Variants in RCSD1 observed in about 807,000 individuals in gnomAD.
RCSD1 encodes capZ-interacting protein.
Under a neutral mutation model 42.5 loss-of-function variants are expected in RCSD1, and 26 were observed. The observed-to-expected ratio is 0.61, with a 90% CI of 0.45 to 0.85. The LOEUF is 0.85. Ranked by LOEUF, RCSD1 falls within the 40% of genes least tolerant of loss-of-function variation. RCSD1 has a pLI of 0.00. For synonymous variants in RCSD1, 220 were observed against 212.2 expected (o/e 1.04, Z -0.32); for missense variants, 571 against 528.3 (o/e 1.08, Z -0.79).
intron 1 of RCSD1, among the ~76,000 whole-genome samples, chr1:167,676,823 T>C (rs1340295028): frequency 5.3e-5 from 8 of 152,220 alleles, no homozygotes. Context: ...CCAGGACTGT[T>C]TCCCACAGTG....
At chr1:167,638,486 G>A (rs914415502) in intron 1 of RCSD1, 3 of 152,242 alleles carry the variant, frequency 2.0e-5, no homozygotes, top group Admixed American at 1.3e-4. Context: ...CTATCCGGTG[G>A]GATCCTGTCC....
At chr1:167,676,775 G>A (rs763866870) in intron 1 of RCSD1, among the ~76,000 whole-genome samples, 1 of 152,198 alleles carries the variant, frequency 6.6e-6, no homozygotes, top group Non-Finnish European at 1.5e-5. Flanking sequence ...AGGCACCAGA[G>A]GCTGTGAACT....
Position 167,690,055 on chromosome 1 carries a change from C to G in RCSD1, c.205C>G (p.Pro69Ala). The G allele has an allele frequency of 6.2e-7, 1 of 1,614,100 alleles. No homozygotes were observed. The highest frequency in any genetic ancestry group is 8.5e-7 in the Non-Finnish European group (1 of 1,180,000). The change falls in exon 4 of 7, where the codon CCA (proline) becomes GCA (alanine). Residue 69 changes from proline (P) to alanine (A), a missense_variant. Coordinates refer to ENST00000367854, the MANE Select transcript of RCSD1 (RefSeq NM_052862.4). ...TGGTTGATTTGCTCCATAGAAATCA[C>G]CACCCAATGCGAGCCACCCTCCTAA... ...DLGQNGEEKS[P>A]PNASHPPKFK... is the part of the protein sequence containing the mutation.
intron 1 of RCSD1, among the ~76,000 whole-genome samples, chr1:167,632,613 G>A (rs906667379): frequency 9.2e-5 from 13 of 140,708 alleles, no homozygotes; most frequent in South Asian, 2.3e-4. Context: ...AATCACTCCC[G>A]TGCTAGGGTT....
intron 6 of RCSD1, among the ~76,000 whole-genome samples, chr1:167,700,957 A>G (rs1232642619): frequency 6.6e-6 from 1 of 152,196 alleles, no homozygotes; most frequent in Non-Finnish European, 1.5e-5. Flanking sequence ...CTAGTAGGGA[A>G]GAGGGCTGCT....
chr1:167,654,146 A>G (rs1239009293), intron 1 of RCSD1, among the ~76,000 whole-genome samples: 2 of 152,238 alleles, frequency 1.3e-5, no homozygotes, highest in African/African-American at 4.8e-5. Context: ...TAAATGTTTA[A>G]TAAGTGTTGG....
Position 167,706,111 on chromosome 1 carries a change from T to G in RCSD1, c.*1415T>G, listed in dbSNP as rs999585209. 1.3e-5 allele frequency: 2 copies of G among 152,260 alleles called. No homozygotes were observed. The highest frequency in any genetic ancestry group is 2.4e-5 in the African/African-American group (1 of 41,476). The allele number at this position is 152,260 out of a possible 1,614,324, so 9.4% of individuals were successfully genotyped here. ...TACAGTTTTTCTAACTCCAGGGTAG[T>G]GTTTAGTGTTAATATTTGGGATATA... On this transcript the variant is annotated 3_prime_UTR_variant, in exon 7 of 7. Coordinates refer to ENST00000367854, the MANE Select transcript of RCSD1 (RefSeq NM_052862.4).
chr1:167,697,976 T>C, intron 6 of RCSD1, 134 bp downstream of exon 6: 3 of 1,152,190 alleles, frequency 2.6e-6, no homozygotes, highest in Non-Finnish European at 3.3e-6. Context: ...GGCTCCTGCC[T>C]CGTGCCAACT....
chr1:167,672,129 G>T (rs1361583104), intron 1 of RCSD1, among the ~76,000 whole-genome samples: 1 of 152,168 alleles, frequency 6.6e-6, no homozygotes, highest in East Asian at 1.9e-4. Context: ...CCCTTGCAGA[G>T]GTGGAGGCTG....
chr1:167,688,449 G>T lies in RCSD1; in HGVS notation c.199-1600G>T, dbSNP rs1033524302. Reference sequence around the variant, plus strand: ...TCTTTATACTCATCCTAGATAAAAAGCTCCTTGAAAGACTGCTATAGGAAC... The same window carrying T: ...TCTTTATACTCATCCTAGATAAAAATCTCCTTGAAAGACTGCTATAGGAAC... On this transcript the variant is annotated intron_variant, in intron 3 of 6. Transcript: ENST00000367854. 2.6e-5 allele frequency among the ~76,000 whole-genome samples: 4 copies of T among 152,148 alleles called. No individual in the cohort carries two copies. The East Asian group carries it at 7.7e-4, about 29-fold the overall frequency.
At chr1:167,698,086 G>T (rs1159300359) in intron 6 of RCSD1, among the ~76,000 whole-genome samples, 1 of 152,200 alleles carries the variant, frequency 6.6e-6, no homozygotes, top group African/African-American at 2.4e-5. Context: ...TGGAGTTCTG[G>T]CAAGCTTCTG....
intron 1 of RCSD1, among the ~76,000 whole-genome samples, chr1:167,670,808 C>T (rs1232390735): frequency 2.6e-5 from 4 of 152,136 alleles, no homozygotes; most frequent in Non-Finnish European, 5.9e-5. Context: ...TTGACTCCAC[C>T]CTGCCCCACC....
intron 1 of RCSD1, among the ~76,000 whole-genome samples, chr1:167,669,998 C>T (rs949630559): frequency 4.6e-5 from 7 of 152,028 alleles, no homozygotes; most frequent in African/African-American, 7.2e-5. Flanking sequence ...CACACGCACA[C>T]GCACACTCAC....
At chr1:167,632,579 T>C (rs986554184) in intron 1 of RCSD1, among the ~76,000 whole-genome samples, 3 of 152,104 alleles carry the variant, frequency 2.0e-5, no homozygotes, top group South Asian at 2.1e-4. Context: ...TAGTAACTTA[T>C]GCAGGATTCC....
chr1:167,694,344 T>C, intron 5 of RCSD1, 42 bp downstream of exon 5: 1 of 1,564,952 alleles, frequency 6.4e-7, no homozygotes, highest in Non-Finnish European at 8.7e-7. Context: ...TCTGTGGAAA[T>C]GTGGGCACTG....
chr1:167,654,218 T>C (rs1658372475), intron 1 of RCSD1, among the ~76,000 whole-genome samples: 1 of 152,022 alleles, frequency 6.6e-6, no homozygotes, highest in African/African-American at 2.4e-5. Flanking sequence ...GGCTCCCAAA[T>C]GCAGAAGGAG....
Position 167,694,177 on chromosome 1 carries a change from C to A in RCSD1, c.349C>A (p.Pro117Thr). 6.2e-7 allele frequency: 1 copy of A among 1,614,206 alleles called. No individual in the cohort carries two copies. Among genetic ancestry groups the A allele is most frequent in the Non-Finnish European group, 8.5e-7 (1 of 1,180,038 alleles). The stretch of plus-strand genomic sequence containing the variant: ...TCCTGGACTCAAGGCTATGGTGTCG[C>A]CATTTCACAGCCCACCTTCTACCCC... ...KSPGLKAMVS[P>T]FHSPPSTPSS... Residue 117 changes from proline to threonine, a missense_variant, in exon 5 of 7, where the codon CCA becomes ACA. Physicochemically the swap from Pro to Thr is conservative, Grantham distance 38 (BLOSUM62 -1). Coordinates refer to ENST00000367854, the MANE Select transcript of RCSD1 (RefSeq NM_052862.4).
chr1:167,652,953 A>G (rs74119900), intron 1 of RCSD1, among the ~76,000 whole-genome samples: 1 of 152,198 alleles, frequency 6.6e-6, no homozygotes, highest in African/African-American at 2.4e-5. Context: ...ATTTTCTTAT[A>G]GTATATTCTA....
intron 1 of RCSD1, among the ~76,000 whole-genome samples, chr1:167,649,118 G>A (rs1450193615): frequency 1.3e-5 from 2 of 152,166 alleles, no homozygotes; most frequent in East Asian, 3.8e-4. Context: ...GGAGGGGCTG[G>A]GGGAAAGAAA....
Sources: allele counts gnomAD v4.1 joint callset (sites outside exome capture counted in the v4.1 genomes callset), GRCh38; gene constraint gnomAD v4.1.1; transcripts MANE v1.5; gene names NCBI Gene and HGNC (gene_info 2026-07-23, HGNC 2026-07-21).